Variants in LACTBL1 observed in about 807,000 individuals in gnomAD.
The protein encoded by LACTBL1 is beta-lactamase-like protein 1.
LACTBL1 carries 29 observed loss-of-function variants against 39.6 expected under a neutral mutation model. That is an observed-to-expected ratio of 0.73 (90% CI 0.55 to 1.00). The LOEUF (loss-of-function observed/expected upper bound fraction) is 1.00. LACTBL1 is among the 50% of genes least tolerant of loss of function. LACTBL1 has a pLI of 0.00. For synonymous variants in LACTBL1, 361 were observed against 360.7 expected, an observed-to-expected ratio of 1.00 and a Z score of -0.01; for missense variants, 711 against 748.5, an observed-to-expected ratio of 0.95 and a Z score of 0.59.
upstream of LACTBL1, chr1:22,965,388 T>C: frequency 7.9e-7 from 1 of 1,260,126 alleles, no homozygotes; most frequent in Non-Finnish European, 1.0e-6. Flanking sequence ...GAGGAGCCAC[T>C]TCTTCTTCAC....
intron 5 of LACTBL1, among the ~76,000 whole-genome samples, chr1:22,954,655 G>T (rs1401566526): frequency 6.6e-6 from 1 of 152,324 alleles, no homozygotes; most frequent in East Asian, 1.9e-4. Flanking sequence ...AGGTCACATT[G>T]CCATAGTTAT....
At chr1:22,967,591 T>C (rs768371397), upstream of LACTBL1, among the ~76,000 whole-genome samples, 7 of 150,720 alleles carry the variant, frequency 4.6e-5, no homozygotes, top group Non-Finnish European at 1.0e-4. Flanking sequence ...CACACATACA[T>C]AGATATACAC....
In LACTBL1 at chr1:22,953,118, G is replaced by T. The variant is rs958610877; in HGVS notation, c.1566C>A (p.Pro522=). 38 of 1,232,086 alleles carry T rather than the reference G, an allele frequency of 3.1e-5. No homozygotes were observed. The South Asian group carries it at 9.5e-4, about 31-fold the overall frequency. 76.3% of individuals were successfully genotyped at this position (1,232,086 alleles called of 1,614,324 possible). ...TGTTGAGGCCGGGCACGTCGAAGCC[G>T]GGTGACAGCCCGTGGTGATCCAAGG... Residue 522 remains proline (P), a synonymous_variant, in exon 6 of 6, where the codon CCC becomes CCA. Transcript: ENST00000426928.
rs779004645 is a variant in LACTBL1, at chr1:22,953,612, G to A, written c.1072C>T (p.Arg358Cys). The A allele has an allele frequency of 4.0e-6, 5 of 1,264,910 alleles. No homozygotes were observed. In the Admixed American group the frequency reaches 1.7e-4, roughly 43 times the overall value. The allele number at this position is 1,264,910 out of a possible 1,614,324, so 78.4% of individuals were successfully genotyped here. ...AGATCGCCGTCCTTGCGCACCACGC[G>A]GTAGCCCCGCTGCGCGTGGAACTCC... The change falls in exon 6 of 6, where the codon CGC becomes TGC. Residue 358 changes from arginine (R) to cysteine (C), a missense_variant. By Grantham distance (180) the Arg-to-Cys change is radical. Coordinates refer to ENST00000426928, the Ensembl canonical transcript of LACTBL1.
upstream of LACTBL1, among the ~76,000 whole-genome samples, chr1:22,966,231 C>T (rs1271546126): frequency 1.3e-5 from 2 of 152,190 alleles, no homozygotes; most frequent in East Asian, 1.9e-4. Context: ...TTATTGATTG[C>T]CTCCTATGTG....
At chr1:22,963,261 A>G in intron 1 of LACTBL1, 45 bp from the exon 4 acceptor site, 1 of 1,121,724 alleles carries the variant, frequency 8.9e-7, no homozygotes, top group East Asian at 3.2e-5. Context: ...AGATCAGGAT[A>G]GGAATCTAGG....
chr1:22,953,270 C>T (rs1640722689), exon 6 of LACTBL1: 1 of 1,231,542 alleles, frequency 8.1e-7, no homozygotes, highest in East Asian at 3.2e-5. Context: ...TGGCGCAGCG[C>T]CAGGGTGCGG....
At chr1:22,966,025 A>G (rs1465438601), upstream of LACTBL1, among the ~76,000 whole-genome samples, 1 of 152,228 alleles carries the variant, frequency 6.6e-6, no homozygotes, top group Admixed American at 6.5e-5. Context: ...TATGGTGCTA[A>G]TGGCACAATC....
rs930174692 is a variant in LACTBL1, at chr1:22,955,828, C to CA, written c.554-403dup. ...CTGTAATCCCAGCACTTTGGGAGGC[C>CA]AAGGTGGGCGGATTGCCTGAGGTCG... On this transcript the variant is annotated intron_variant, in intron 4 of 5. Coordinates refer to ENST00000426928, the Ensembl canonical transcript of LACTBL1. 1.1e-3 allele frequency among the ~76,000 whole-genome samples: 163 copies of CA among 148,016 alleles called. 3 individuals carry two copies. The highest frequency in any genetic ancestry group is 3.0e-4 in the Non-Finnish European group (20 of 66,758).
At chr1:22,953,876 G>T in exon 6 of LACTBL1, 1 of 1,549,076 alleles carries the variant, frequency 6.5e-7, no homozygotes, top group Non-Finnish European at 8.7e-7. Context: ...AGGCGCGCGC[G>T]CACGTCGGGC....
chr1:22,963,197 C>A, exon 2 of LACTBL1: 1 of 1,350,468 alleles, frequency 7.4e-7, no homozygotes, highest in African/African-American at 1.5e-5. Flanking sequence ...GGGCAGAGGT[C>A]TCCTCTGGTC....
the LACTBL1 span, among the ~76,000 whole-genome samples, chr1:22,971,288 C>A: frequency 6.6e-6 from 1 of 152,150 alleles, no homozygotes; most frequent in African/African-American, 2.4e-5. Flanking sequence ...GGGGCCTAGC[C>A]TCATCTCGTC....
At chr1:22,961,778 G>T (rs765462005) in intron 2 of LACTBL1, among the ~76,000 whole-genome samples, 1 of 151,748 alleles carries the variant, frequency 6.6e-6, no homozygotes, top group Non-Finnish European at 1.5e-5. Context: ...TCTTTTCCTC[G>T]CTTTGTCACC....
chr1:22,966,400 A>T (rs1640876355), upstream of LACTBL1, among the ~76,000 whole-genome samples: 1 of 152,130 alleles, frequency 6.6e-6, no homozygotes, highest in Admixed American at 6.5e-5. Context: ...CACATCTTCC[A>T]CTTCTGTCCT....
intron 3 of LACTBL1, 22 bp downstream of exon 5, chr1:22,959,920 C>A: frequency 3.9e-6 from 6 of 1,551,078 alleles, no homozygotes; most frequent in Non-Finnish European, 4.4e-6. Flanking sequence ...CTCCACAGGA[C>A]CCTAGAGATC....
chr1:22,959,545 T>G (rs1377704272), intron 3 of LACTBL1, among the ~76,000 whole-genome samples: 1 of 152,252 alleles, frequency 6.6e-6, no homozygotes, highest in Non-Finnish European at 1.5e-5. Flanking sequence ...TGCAACAGAA[T>G]GTCCCCATCT....
upstream of LACTBL1, among the ~76,000 whole-genome samples, chr1:22,966,458 C>G (rs751476641): frequency 6.6e-6 from 1 of 152,176 alleles, no homozygotes; most frequent in Non-Finnish European, 1.5e-5. Context: ...TCAGTACACA[C>G]GCAATCCCTC....
chr1:22,955,408 C>T lies in LACTBL1; in HGVS notation c.572G>A (p.Arg191His), dbSNP rs552006352. Residue 191 changes from arginine to histidine, a missense_variant, in exon 5 of 6, where the codon CGC becomes CAC. Coordinates refer to ENST00000426928, the Ensembl canonical transcript of LACTBL1. The stretch of plus-strand genomic sequence containing the variant: ...GCCCTTCCACAGCAGTGAAGTGGAG[C>T]GCAGCCTTCTGGGCAGCCCTAGGGA... The T allele has an allele frequency of 1.7e-4, 267 of 1,549,918 alleles. 2 individuals are homozygous for T. In the South Asian group the frequency reaches 2.7e-3, roughly 16 times the overall value.
At chr1:22,957,127 T>C (rs1640769477) in intron 4 of LACTBL1, among the ~76,000 whole-genome samples, 1 of 152,180 alleles carries the variant, frequency 6.6e-6, no homozygotes, top group African/African-American at 2.4e-5. Flanking sequence ...CAAAATATGC[T>C]GTTACATGCT....
Sources: allele counts gnomAD v4.1 joint callset (sites outside exome capture counted in the v4.1 genomes callset), GRCh38; gene constraint gnomAD v4.1.1; transcripts MANE v1.5; gene names NCBI Gene and HGNC (gene_info 2026-07-23, HGNC 2026-07-21).